ADAMTSL1: variants seen among roughly 807,000 people sequenced by gnomAD.
The protein encoded by ADAMTSL1 is ADAMTS-like protein 1.
A neutral mutation model predicts 201.8 loss-of-function variants in ADAMTSL1; 126 were observed. That is an observed-to-expected ratio of 0.62 (90% CI 0.54 to 0.72). The LOEUF (loss-of-function observed/expected upper bound fraction) is 0.72, where lower values mean the gene tolerates loss of function less well. ADAMTSL1 is among the 30% of genes least tolerant of loss of function. The probability of loss-of-function intolerance (pLI) is 0.00; values close to 1 mark genes in which losing one functional copy is unlikely to be tolerated. For synonymous variants in ADAMTSL1, 1,121 were observed against 903.4 expected, an observed-to-expected ratio of 1.24 and a Z score of -4.32; for missense variants, 2,679 against 2,277.8, an observed-to-expected ratio of 1.18 and a Z score of -3.59.
chr9:18,903,651 G>C (rs76500665), intron 26 of ADAMTSL1, among the ~76,000 whole-genome samples: 1 of 152,096 alleles, frequency 6.6e-6, no homozygotes, highest in Non-Finnish European at 1.5e-5. Context: ...TCCTTCTAAG[G>C]GGGTAGAGAC....
chr9:18,823,601 T>C (rs1356798792), intron 21 of ADAMTSL1, among the ~76,000 whole-genome samples: 2 of 152,146 alleles, frequency 1.3e-5, no homozygotes, highest in Admixed American at 6.5e-5. Context: ...CCTGAGTCTT[T>C]GTGTTTGCTG....
chr9:18,251,857 A>G (rs10810935), intron 2 of ADAMTSL1, among the ~76,000 whole-genome samples: 30,097 of 152,156 alleles, frequency 0.2, 3,467 homozygotes, highest in Middle Eastern at 0.3. Flanking sequence ...TGGCATTTCA[A>G]TTCAGTGGGA....
chr9:18,650,775 C>G (rs963689358), intron 7 of ADAMTSL1, among the ~76,000 whole-genome samples: 1 of 152,240 alleles, frequency 6.6e-6, no homozygotes, highest in East Asian at 1.9e-4. Flanking sequence ...TCCGTTGGCT[C>G]TACATACATT....
intron 23 of ADAMTSL1, among the ~76,000 whole-genome samples, chr9:18,832,640 C>G (rs1825061708): frequency 6.6e-6 from 1 of 152,192 alleles, no homozygotes; most frequent in Non-Finnish European, 1.5e-5. Context: ...CCTCCCACAG[C>G]CAAGACATCC....
At chr9:18,724,617 G>C (rs572894206) in intron 15 of ADAMTSL1, among the ~76,000 whole-genome samples, 10 of 152,276 alleles carry the variant, frequency 6.6e-5, no homozygotes, top group South Asian at 2.1e-4. Context: ...CTTGCTATCA[G>C]CTTTGTGTCT....
chr9:18,301,773 C>T (rs1376234897), intron 2 of ADAMTSL1, among the ~76,000 whole-genome samples: 1 of 152,162 alleles, frequency 6.6e-6, no homozygotes, highest in Non-Finnish European at 1.5e-5. Flanking sequence ...AATGTACTAA[C>T]CTTATGGGGC....
At position 18,060,178 on chromosome 9, in the gene ADAMTSL1, A is replaced by T. The variant is rs117349355; in HGVS notation, c.88-103684A>T. Among the ~76,000 whole-genome samples the T allele has an allele frequency of 5.3e-5, 8 of 152,228 alleles. No homozygotes were observed. The East Asian group carries it at 1.5e-3, about 29-fold the overall frequency. On this transcript the variant is annotated intron_variant, in intron 1 of 29. Coordinates refer to the ADAMTSL1 transcript ENST00000680146. Reference sequence around the variant, plus strand: ...TATATGTGTATGTACCTAAGGATGTATTTTTTAAGTGCAATTGGCAGCATA... The same window carrying T: ...TATATGTGTATGTACCTAAGGATGTTTTTTTTAAGTGCAATTGGCAGCATA...
chr9:18,532,812 T>A (rs1475834477), intron 2 of ADAMTSL1, among the ~76,000 whole-genome samples: 5 of 151,724 alleles, frequency 3.3e-5, no homozygotes, highest in African/African-American at 1.2e-4. Context: ...CTTTCCACAT[T>A]CTTAGAATTA....
At chr9:17,947,222 T>C (rs1406932910) in intron 1 of ADAMTSL1, among the ~76,000 whole-genome samples, 1 of 151,168 alleles carries the variant, frequency 6.6e-6, no homozygotes, top group Non-Finnish European at 1.5e-5. Context: ...ACACAGTCTG[T>C]TAAACTGTGG....
At chr9:18,006,732 G>A (rs73643488) in intron 1 of ADAMTSL1, among the ~76,000 whole-genome samples, 2,680 of 152,028 alleles carry the variant, frequency 0.018, 70 homozygotes, top group African/African-American at 0.061. Flanking sequence ...GTGTTCTAAT[G>A]ACCAGAAGCA....
intron 2 of ADAMTSL1, among the ~76,000 whole-genome samples, chr9:18,368,728 T>C (rs1013984134): frequency 2.0e-5 from 3 of 152,216 alleles, no homozygotes; most frequent in Non-Finnish European, 4.4e-5. Context: ...AGAACCATCA[T>C]CCTGGATGGT....
intron 1 of ADAMTSL1, among the ~76,000 whole-genome samples, chr9:18,066,509 G>A (rs562965909): frequency 8.9e-4 from 135 of 152,258 alleles, no homozygotes; most frequent in Non-Finnish European, 1.6e-3. Flanking sequence ...TATATATACA[G>A]AAAGCAAGTG....
intron 2 of ADAMTSL1, among the ~76,000 whole-genome samples, chr9:18,185,198 T>C (rs1364513269): frequency 6.6e-6 from 1 of 152,116 alleles, no homozygotes; most frequent in African/African-American, 2.4e-5. Context: ...CAATAGAATA[T>C]GGCAAAGACG....
At chr9:18,840,366 G>A (rs1247255320) in intron 23 of ADAMTSL1, among the ~76,000 whole-genome samples, 1 of 152,086 alleles carries the variant, frequency 6.6e-6, no homozygotes, top group African/African-American at 2.4e-5. Context: ...CATTATTTCT[G>A]AGGACTCTGT....
chr9:18,610,180 T>C (rs940286852), intron 4 of ADAMTSL1, among the ~76,000 whole-genome samples: 1 of 152,212 alleles, frequency 6.6e-6, no homozygotes, highest in Non-Finnish European at 1.5e-5. Flanking sequence ...TTAGCAATTG[T>C]AAAGTTTATG....
chr9:18,784,596 C>G (rs1821591803), intron 19 of ADAMTSL1, among the ~76,000 whole-genome samples: 1 of 152,194 alleles, frequency 6.6e-6, no homozygotes, highest in Admixed American at 6.5e-5. Flanking sequence ...CCCTGAGATT[C>G]TGTGACACAA....
At chr9:18,541,486 G>T (rs1432608496) in intron 3 of ADAMTSL1, among the ~76,000 whole-genome samples, 1 of 151,540 alleles carries the variant, frequency 6.6e-6, no homozygotes, top group Non-Finnish European at 1.5e-5. Flanking sequence ...CTCCAGACTG[G>T]GCAACAAGAG....
intron 2 of ADAMTSL1, among the ~76,000 whole-genome samples, chr9:18,346,837 C>T (rs1353967214): frequency 4.6e-5 from 7 of 152,134 alleles, no homozygotes; most frequent in East Asian, 1.9e-4. Flanking sequence ...CTCTTCTGAA[C>T]TCGAAAGGCT....
At chr9:18,135,266 G>C (rs192372951) in intron 1 of ADAMTSL1, among the ~76,000 whole-genome samples, 1 of 152,020 alleles carries the variant, frequency 6.6e-6, no homozygotes, top group Non-Finnish European at 1.5e-5. Flanking sequence ...GGCTCCATAC[G>C]TACTATGCAT....
Sources: gnomAD v4.1 joint callset for allele counts (sites outside exome capture counted in the v4.1 genomes callset) on GRCh38, gnomAD v4.1.1 for gene constraint, MANE v1.5 for transcripts, NCBI Gene and HGNC (gene_info 2026-07-23, HGNC 2026-07-21) for gene names.